The following PRKN variants were observed in gnomAD, a reference collection of about 807,000 sequenced individuals.
PRKN encodes parkin RBR E3 ubiquitin protein ligase.
In PRKN, 56 loss-of-function variants were observed where a neutral mutation model predicts 59.5. The observed-to-expected ratio is 0.94, with a 90% CI of 0.76 to 1.18. The LOEUF is 1.18. Among genes scored for constraint, PRKN ranks in the 50% most tolerant of loss-of-function variants. The pLI is 0.00. For missense variants in PRKN, 657 were observed against 596.4 expected (o/e 1.10, Z -1.06); for synonymous variants, 250 against 222.1 (o/e 1.13, Z -1.12).
intron 9 of PRKN, among the ~76,000 whole-genome samples, chr6:161,449,833 G>A (rs1350644186): frequency 6.6e-6 from 1 of 152,130 alleles, no homozygotes; most frequent in Non-Finnish European, 1.5e-5. Context: ...GGGAAGCAAT[G>A]GGAAAGTGCA....
At position 161,835,026 on chromosome 6, in the gene PRKN, G is replaced by A. The variant is rs377555701; in HGVS notation, c.735-49118C>T. ...TACTCACTAGGCATCATTTCTGCCC[G>A]CTGTGGCCAAGTCGCTCTCCAGGGT... is the stretch of plus-strand genomic sequence containing the variant. On this transcript the variant is annotated intron_variant, in intron 6 of 11. Coordinates refer to ENST00000366898, the MANE Select transcript of PRKN (RefSeq NM_004562.3). Among the ~76,000 whole-genome samples, 44 of 152,046 alleles carry A rather than the reference G, an allele frequency of 2.9e-4. No individual in the cohort carries two copies. The East Asian group carries it at 4.9e-3, about 17-fold the overall frequency.
chr6:162,219,332 C>T (rs187863421), intron 3 of PRKN, among the ~76,000 whole-genome samples: 1 of 152,218 alleles, frequency 6.6e-6, no homozygotes, highest in African/African-American at 2.4e-5. Flanking sequence ...TAGGTGACTC[C>T]CTGTCTAGAA....
In PRKN at chr6:162,070,230, T is replaced by TA. The variant is rs201942777; in HGVS notation, c.535-16057_535-16056insT. ...TCACATGTAACTACTTGGGTATATC[T>TA]TGATGATTACATCATGCATTTTCAT... is the stretch of plus-strand genomic sequence containing the variant. On this transcript the variant is annotated intron_variant, in intron 4 of 11. Transcript: ENST00000366898. 1.3e-3 allele frequency among the ~76,000 whole-genome samples: 198 copies of TA among 152,356 alleles called. 1 individual carries two copies. Among genetic ancestry groups the TA allele is most frequent in the African/African-American group, 4.5e-3 (188 of 41,584 alleles).
intron 6 of PRKN, among the ~76,000 whole-genome samples, chr6:161,968,919 T>G (rs939362904): frequency 3.3e-5 from 5 of 152,368 alleles, no homozygotes; most frequent in Admixed American, 6.5e-5. Flanking sequence ...AGACTTTTTG[T>G]ATAGCTTTCA....
intron 6 of PRKN, among the ~76,000 whole-genome samples, chr6:161,943,272 AC>A (rs1779632721): frequency 6.6e-6 from 1 of 152,226 alleles, no homozygotes; most frequent in Admixed American, 6.5e-5. Flanking sequence ...GTCAAATAAG[AC>A]AAAAAAAATT....
At chr6:161,691,286 T>C (rs1283339586) in intron 7 of PRKN, among the ~76,000 whole-genome samples, 1 of 152,206 alleles carries the variant, frequency 6.6e-6, no homozygotes, top group African/African-American at 2.4e-5. Flanking sequence ...AAAAACAGCC[T>C]CTTGGGTCTA....
chr6:162,454,676 C>A (rs551629392), intron 1 of PRKN, among the ~76,000 whole-genome samples: 1 of 152,200 alleles, frequency 6.6e-6, no homozygotes, highest in South Asian at 2.1e-4. Flanking sequence ...ACACACCGTT[C>A]CTTCAAACAG....
chr6:161,775,630 A>G (rs2128204210), intron 7 of PRKN, among the ~76,000 whole-genome samples: 2 of 152,320 alleles, frequency 1.3e-5, no homozygotes, highest in African/African-American at 2.4e-5. Context: ...GCATCTTTTA[A>G]TATATTTACC....
chr6:161,740,381 C>T (rs1788137856), intron 7 of PRKN, among the ~76,000 whole-genome samples: 1 of 152,168 alleles, frequency 6.6e-6, no homozygotes, highest in Non-Finnish European at 1.5e-5. Flanking sequence ...GACCCCATTT[C>T]CACAGCTCGT....
chr6:161,610,051 AATTATTT>A (rs2128146297), intron 7 of PRKN, among the ~76,000 whole-genome samples: 1 of 152,350 alleles, frequency 6.6e-6, no homozygotes, highest in Admixed American at 6.5e-5. Context: ...CAGAGTGCAG[AATTATTT>A]TATCATTATT....
chr6:161,964,768 T>TA (rs1780513676), intron 6 of PRKN, among the ~76,000 whole-genome samples: 1 of 152,024 alleles, frequency 6.6e-6, no homozygotes, highest in Admixed American at 6.5e-5. Context: ...TTTGTACGTA[T>TA]ACCTGAGTTT....
At chr6:161,517,425 C>A (rs1309762397) in intron 9 of PRKN, among the ~76,000 whole-genome samples, 1 of 152,002 alleles carries the variant, frequency 6.6e-6, no homozygotes, top group Admixed American at 6.6e-5. Context: ...CCCAGCCACA[C>A]AGTTATAAGA....
chr6:162,256,936 CCA>C (rs1273689372), intron 3 of PRKN, among the ~76,000 whole-genome samples: 1 of 152,206 alleles, frequency 6.6e-6, no homozygotes, highest in East Asian at 1.9e-4. Context: ...CTACTCTCCC[CCA>C]CAGTTACTTT....
Position 161,479,198 on chromosome 6 carries a change from T to C in PRKN, c.1083+69656A>G, listed in dbSNP as rs564729056. Among the ~76,000 whole-genome samples the C allele has an allele frequency of 3.9e-5, 6 of 152,316 alleles. No homozygotes were observed. The South Asian group carries it at 1.0e-3, about 26-fold the overall frequency. ...GGTAGGTGATTACTTCGCACAATGATGACATTTGAAAAATAGCATCATTAT... is the reference window on the plus strand; with the variant it reads ...GGTAGGTGATTACTTCGCACAATGACGACATTTGAAAAATAGCATCATTAT... On this transcript the variant is annotated intron_variant, in intron 9 of 11. Transcript: ENST00000366898.
intron 1 of PRKN, among the ~76,000 whole-genome samples, chr6:162,461,844 A>G (rs1791194451): frequency 6.6e-6 from 1 of 151,754 alleles, no homozygotes; most frequent in Admixed American, 6.6e-5. Context: ...AAAAGAGACA[A>G]TGAAGAAGAG....
chr6:162,667,065 T>A (rs1017285781), intron 1 of PRKN, among the ~76,000 whole-genome samples: 3 of 152,120 alleles, frequency 2.0e-5, no homozygotes, highest in Non-Finnish European at 4.4e-5. Flanking sequence ...AAGAAAATTA[T>A]CATTTGAAAG....
intron 1 of PRKN, among the ~76,000 whole-genome samples, chr6:162,618,410 T>C (rs751858128): frequency 6.6e-6 from 1 of 152,196 alleles, no homozygotes; most frequent in Non-Finnish European, 1.5e-5. Flanking sequence ...AATAATGTAC[T>C]GTGATCACCA....
chr6:162,595,760 G>C (rs1781476419), intron 1 of PRKN, among the ~76,000 whole-genome samples: 2 of 152,066 alleles, frequency 1.3e-5, no homozygotes, highest in Non-Finnish European at 2.9e-5. Flanking sequence ...GTTCCTCTCT[G>C]AACTAGAGTT....
At chr6:161,534,406 T>G (rs1779335117) in intron 9 of PRKN, among the ~76,000 whole-genome samples, 1 of 152,110 alleles carries the variant, frequency 6.6e-6, no homozygotes, top group Non-Finnish European at 1.5e-5. Flanking sequence ...AATGCAGGCA[T>G]CGTTGCTGAG....
Sources: gnomAD v4.1 joint callset for allele counts (sites outside exome capture counted in the v4.1 genomes callset) on GRCh38, gnomAD v4.1.1 for gene constraint, MANE v1.5 for transcripts, NCBI Gene and HGNC (gene_info 2026-07-23, HGNC 2026-07-21) for gene names.